Variants in RAB20 observed in about 807,000 individuals in gnomAD.
RAB20 encodes the protein RAB20, member RAS oncogene family.
Under a neutral mutation model 3.7 loss-of-function variants are expected in RAB20, and 2 were observed. The ratio of observed to expected loss-of-function variants is 0.54; its 90% CI spans 0.22 to 1.69. The LOEUF (loss-of-function observed/expected upper bound fraction) is 1.69, where lower values mean the gene tolerates loss of function less well. Ranked by LOEUF, RAB20 falls within the 40% of genes most tolerant of loss-of-function variation. RAB20 has a pLI of 0.19. For synonymous variants in RAB20, 126 were observed against 130.8 expected, an observed-to-expected ratio of 0.96 and a Z score of 0.25; for missense variants, 276 against 311.9, an observed-to-expected ratio of 0.88 and a Z score of 0.87.
In RAB20 at chr13:110,537,010, C is replaced by T. The variant is rs1594132348; in HGVS notation, c.173-12813G>A. On this transcript the variant is annotated intron_variant, in intron 1 of 1. Coordinates refer to ENST00000267328, the MANE Select transcript of RAB20 (RefSeq NM_017817.3). ...TGTTTTTTTTTGTGTGAGACAGGGT[C>T]TCGCTCTGTCACCCAGGCTGGAGTG... Among the ~76,000 whole-genome samples the T allele has an allele frequency of 2.2e-5, 3 of 135,218 alleles. No individual in the cohort carries two copies. In the South Asian group the frequency reaches 7.2e-4, roughly 32 times the overall value. 88.7% of individuals were successfully genotyped at this position (135,218 alleles called of 152,430 possible).
Position 110,537,845 on chromosome 13 carries a change from G to T in RAB20, c.173-13648C>A, listed in dbSNP as rs912945. ...GACAAGCATGCAGGCCCCAGTCACAGGGGCCCTGGTCACATGGGCAGCAAA... is the reference window on the plus strand; with the variant it reads ...GACAAGCATGCAGGCCCCAGTCACATGGGCCCTGGTCACATGGGCAGCAAA... On this transcript the variant is annotated intron_variant, in intron 1 of 1. Transcript: ENST00000267328. 6.6e-5 allele frequency among the ~76,000 whole-genome samples: 10 copies of T among 152,212 alleles called. No homozygotes were observed. In the South Asian group the frequency reaches 1.0e-3, roughly 16 times the overall value.
At chr13:110,524,339 G>A in intron 1 of RAB20, 142 bp from the exon 2 acceptor site, 1 of 1,311,382 alleles carries the variant, frequency 7.6e-7, no homozygotes, top group Non-Finnish European at 1.0e-6. Flanking sequence ...CATAGTTGAT[G>A]GAGAATGTGC....
chr13:110,554,580 G>A (rs568078784), intron 1 of RAB20, among the ~76,000 whole-genome samples: 105 of 152,220 alleles, frequency 6.9e-4, no homozygotes, highest in Middle Eastern at 3.4e-3. Context: ...CTAACTTCAC[G>A]GGAACGAGCA....
chr13:110,548,651 C>T (rs1044199234), intron 1 of RAB20, among the ~76,000 whole-genome samples: 6 of 151,950 alleles, frequency 3.9e-5, no homozygotes, highest in Non-Finnish European at 7.4e-5. Flanking sequence ...TCGGTGGGCA[C>T]TGCTCCAATG....
At chr13:110,534,307 G>GC (rs1469092590) in intron 1 of RAB20, among the ~76,000 whole-genome samples, 1 of 152,212 alleles carries the variant, frequency 6.6e-6, no homozygotes, top group Non-Finnish European at 1.5e-5. Flanking sequence ...AAGCCTGGCT[G>GC]CCTTATTCAC....
chr13:110,525,292 C>T (rs2479428), intron 1 of RAB20, among the ~76,000 whole-genome samples: 108,493 of 151,922 alleles, frequency 0.71, 38,836 homozygotes, highest in Middle Eastern at 0.73. Flanking sequence ...GACCCCCGAA[C>T]TGATGGCTAA....
intron 1 of RAB20, among the ~76,000 whole-genome samples, chr13:110,551,944 TA>T (rs1884960387): frequency 6.9e-6 from 1 of 145,368 alleles, no homozygotes; most frequent in South Asian, 2.2e-4. Flanking sequence ...ATACAAAAAT[TA>T]GCTGGGTGTG....
intron 1 of RAB20, among the ~76,000 whole-genome samples, chr13:110,534,458 G>A (rs1212166648): frequency 2.6e-5 from 4 of 152,206 alleles, no homozygotes; most frequent in African/African-American, 7.2e-5. Context: ...CGTGATGTAC[G>A]AGTGTGCCGG....
chr13:110,550,243 C>T (rs550957240), intron 1 of RAB20, among the ~76,000 whole-genome samples: 7 of 151,488 alleles, frequency 4.6e-5, no homozygotes, highest in Admixed American at 1.3e-4. Flanking sequence ...ACCCCAATTC[C>T]GTGGCACCCC....
rs3742190 is a variant in RAB20 at position 110,523,371 on chromosome 13, G to C, written c.*294C>G. The C allele has an allele frequency of 0.19, 102,183 of 549,278 alleles. 10,136 individuals carry two copies. The highest frequency in any genetic ancestry group is 0.23 in the Admixed American group (6,506 of 27,732). 34.0% of individuals were successfully genotyped at this position (549,278 alleles called of 1,614,324 possible). On this transcript the variant is annotated 3_prime_UTR_variant, in exon 2 of 2. Transcript: ENST00000267328. Reference sequence around the variant, plus strand: ...GCAAGGGGGCCGTTGGTGGCTGGCTGCAAAGGACCAGTGCCAGGCAGCGGG... The same window carrying C: ...GCAAGGGGGCCGTTGGTGGCTGGCTCCAAAGGACCAGTGCCAGGCAGCGGG...
chr13:110,553,842 G>A (rs1462425260), intron 1 of RAB20, among the ~76,000 whole-genome samples: 4 of 152,258 alleles, frequency 2.6e-5, no homozygotes, highest in African/African-American at 4.8e-5. Flanking sequence ...CTGGCTGGGC[G>A]CAGTGGCTCA....
intron 1 of RAB20, among the ~76,000 whole-genome samples, chr13:110,530,575 C>T (rs1449362970): frequency 7.6e-5 from 1 of 13,244 alleles, no homozygotes; most frequent in East Asian, 1.9e-3. Flanking sequence ...TACACAGACA[C>T]AGGACCCTGG....
intron 1 of RAB20, among the ~76,000 whole-genome samples, chr13:110,560,793 T>C (rs1320649948): frequency 1.3e-5 from 2 of 151,826 alleles, no homozygotes; most frequent in African/African-American, 2.4e-5. Context: ...ATATGACGTA[T>C]CTGAGCCAAG....
At chr13:110,558,013 C>T (rs1453865959) in intron 1 of RAB20, among the ~76,000 whole-genome samples, 1 of 152,258 alleles carries the variant, frequency 6.6e-6, no homozygotes, top group Non-Finnish European at 1.5e-5. Flanking sequence ...GAATCCAGGG[C>T]CTGCGGGGCA....
chr13:110,530,977 T>C (rs1884528416), intron 1 of RAB20, among the ~76,000 whole-genome samples: 1 of 152,266 alleles, frequency 6.6e-6, no homozygotes, highest in African/African-American at 2.4e-5. Context: ...TCGTAATTTA[T>C]AGCAGGGAAT....
At chr13:110,554,154 T>A (rs972131174) in intron 1 of RAB20, among the ~76,000 whole-genome samples, 1 of 152,148 alleles carries the variant, frequency 6.6e-6, no homozygotes, top group Non-Finnish European at 1.5e-5. Flanking sequence ...AAAATCCCCC[T>A]GGCTCCACGT....
intron 1 of RAB20, among the ~76,000 whole-genome samples, chr13:110,559,241 G>A (rs1885093317): frequency 6.9e-6 from 1 of 145,466 alleles, no homozygotes; most frequent in African/African-American, 2.5e-5. Context: ...TGCCTTGTGT[G>A]GCTAAAAGCA....
chr13:110,545,266 T>C (rs1884832569), intron 1 of RAB20, among the ~76,000 whole-genome samples: 3 of 152,246 alleles, frequency 2.0e-5, no homozygotes. Flanking sequence ...ATGCAATTAT[T>C]ATGCATTGCA....
At chr13:110,559,748 C>G (rs1362288753) in intron 1 of RAB20, among the ~76,000 whole-genome samples, 1 of 152,218 alleles carries the variant, frequency 6.6e-6, no homozygotes, top group African/African-American at 2.4e-5. Flanking sequence ...CTCTGGTGAT[C>G]AGGATTCCGG....
Sources: allele counts gnomAD v4.1 joint callset (sites outside exome capture counted in the v4.1 genomes callset), GRCh38; gene constraint gnomAD v4.1.1; transcripts MANE v1.5; gene names NCBI Gene and HGNC (gene_info 2026-07-23, HGNC 2026-07-21).